The following TRAP1 variants were observed in gnomAD, a reference collection of about 807,000 sequenced individuals.
TRAP1 encodes heat shock protein 75 kDa, mitochondrial.
TRAP1 carries 102 observed loss-of-function variants against 89.1 expected under a neutral mutation model. That is an observed-to-expected ratio of 1.15 (90% CI 0.98 to 1.35). The LOEUF (loss-of-function observed/expected upper bound fraction) is 1.35, where lower values mean the gene tolerates loss of function less well. TRAP1 is among the 40% of genes most tolerant of loss of function. TRAP1 has a pLI of 0.00. For missense variants in TRAP1, 1,256 were observed against 945.3 expected (o/e 1.33, Z -4.31); for synonymous variants, 508 against 388.0 (o/e 1.31, Z -3.64).
rs71133652 is a variant in TRAP1, at chr16:3,710,879, A to ATATATATATATATATT, written c.88+6541_88+6542insAATATATATATATATA. Among the ~76,000 whole-genome samples, 7 of 125,798 alleles carry ATATATATATATATATT rather than the reference A, an allele frequency of 5.6e-5. No homozygotes were observed. In the East Asian group the frequency reaches 1.7e-3, roughly 30 times the overall value. 82.5% of individuals were successfully genotyped at this position (125,798 alleles called of 152,430 possible). Reference sequence around the variant, plus strand: ...TGTGTATATATATATATATATATATATTTTTTTTTTTGAGACACTGTCACT... The same window carrying ATATATATATATATATT: ...TGTGTATATATATATATATATATATATATATATATATATATTTTTTTTTTTTTGAGACACTGTCACT... On this transcript the variant is annotated intron_variant, in intron 1 of 17. Transcript: ENST00000246957.
Position 3,670,164 on chromosome 16 carries a change from C to T in TRAP1, c.1235+1558G>A, listed in dbSNP as rs181412095. On this transcript the variant is annotated intron_variant, in intron 11 of 17. Coordinates refer to ENST00000246957, the MANE Select transcript of TRAP1 (RefSeq NM_016292.3). ...TTGGGAGGCCAAGGCAGGCGGATCACGAAGTCAGGAGATCGAGACCATCCT... is the reference window on the plus strand; with the variant it reads ...TTGGGAGGCCAAGGCAGGCGGATCATGAAGTCAGGAGATCGAGACCATCCT... Among the ~76,000 whole-genome samples, 53 of 151,790 alleles carry T rather than the reference C, an allele frequency of 3.5e-4. 5 individuals carry two copies. The highest frequency in any genetic ancestry group is 1.1e-3 in the African/African-American group (47 of 41,348).
In TRAP1 at chr16:3,689,035, A is replaced by G. The variant is rs2051175776; in HGVS notation, c.330+20T>C. On this transcript the variant is annotated intron_variant, in intron 3 of 17. Coordinates refer to ENST00000246957, the MANE Select transcript of TRAP1 (RefSeq NM_016292.3). ...AAAAGAAACTTTGCTAGCATCGGGCATGGTTAGCAGGGAACGCACCTCTTT... is the reference window on the plus strand; with the variant it reads ...AAAAGAAACTTTGCTAGCATCGGGCGTGGTTAGCAGGGAACGCACCTCTTT... 1.3e-6 allele frequency: 2 copies of G among 1,588,264 alleles called. No individual in the cohort carries two copies. The highest frequency in any genetic ancestry group is 2.3e-5 in the South Asian group (2 of 86,518).
In TRAP1 at chr16:3,717,475, C is replaced by T; in HGVS notation, c.34G>A (p.Gly12Ser). 2 of 1,325,248 alleles carry T rather than the reference C, an allele frequency of 1.5e-6. No individual in the cohort carries two copies. Among genetic ancestry groups the T allele is most frequent in the Non-Finnish European group, 1.9e-6 (2 of 1,042,504 alleles). 82.1% of individuals were successfully genotyped at this position (1,325,248 alleles called of 1,614,324 possible). ...CGCAGCAAAGGCCGCAGGCGGCGGC[C>T]CCACAGCAGCAGCGCCCGCAGCTCG... The part of the protein sequence containing the change: ...ARELRALLLW[G>S]RRLRPLLRAP... Residue 12 changes from glycine (G) to serine (S), a missense_variant, in exon 1 of 18, where the codon GGC becomes AGC. Coordinates refer to ENST00000246957, the MANE Select transcript of TRAP1 (RefSeq NM_016292.3).
intron 1 of TRAP1, among the ~76,000 whole-genome samples, chr16:3,694,349 TC>T (rs969390838): frequency 2.1e-5 from 3 of 140,022 alleles, no homozygotes; most frequent in Non-Finnish European, 4.8e-5. Flanking sequence ...CGTATCTTTC[TC>T]TTTTTTTTTT....
rs550304241 is a variant in TRAP1 at position 3,681,161 on chromosome 16, A to C, written c.472-1371T>G. On this transcript the variant is annotated intron_variant, in intron 4 of 17. Transcript: ENST00000246957. ...ATGTGCAGACCACCTTAAATAAAAG[A>C]GCTCACTCCAAGCCTCCACATCTAT... 5.9e-5 allele frequency among the ~76,000 whole-genome samples: 9 copies of C among 152,228 alleles called. No individual in the cohort carries two copies. The East Asian group carries it at 1.7e-3, about 29-fold the overall frequency.
At chr16:3,660,536 C>G (rs6500548) in intron 16 of TRAP1, 120,547 of 152,012 alleles carry the variant, frequency 0.79, 48,703 homozygotes, top group East Asian at 1. Context: ...AACTAGTTTG[C>G]CACCAAAACT....
At position 3,670,416 on chromosome 16, in the gene TRAP1, A is replaced by G. The variant is rs1054641585; in HGVS notation, c.1235+1306T>C. Among the ~76,000 whole-genome samples the G allele has an allele frequency of 7.4e-5, 11 of 149,518 alleles. No homozygotes were observed. In the South Asian group the frequency reaches 1.3e-3, roughly 17 times the overall value. On this transcript the variant is annotated intron_variant, in intron 11 of 17. Transcript: ENST00000246957. ...AAAAAAAAAAAAAAAAAAAAATCTAAGTGGCCAGGTGCAGTGGCTCATGCC... is the reference window on the plus strand; with the variant it reads ...AAAAAAAAAAAAAAAAAAAAATCTAGGTGGCCAGGTGCAGTGGCTCATGCC...
In TRAP1 at chr16:3,686,282, G is replaced by A. The variant is rs890317373; in HGVS notation, c.331-146C>T. 218 of 996,562 alleles carry A rather than the reference G, an allele frequency of 2.2e-4. 2 individuals are homozygous for A. In the East Asian group the frequency reaches 5.6e-3, roughly 26 times the overall value. 61.7% of individuals were successfully genotyped at this position (996,562 alleles called of 1,614,324 possible). A position where few individuals can be genotyped will look rare whatever the true frequency, so the allele number is the denominator to read the frequency against. On this transcript the variant is annotated intron_variant, in intron 3 of 17. Coordinates refer to ENST00000246957, the MANE Select transcript of TRAP1 (RefSeq NM_016292.3). Reference sequence around the variant, plus strand: ...ATAAAGAGTTTCTGCTTTAGTCAAAGGCAGTTCCTCTGGGCCGGTCACAAA... The same window carrying A: ...ATAAAGAGTTTCTGCTTTAGTCAAAAGCAGTTCCTCTGGGCCGGTCACAAA...
At chr16:3,686,260 AAG>A in intron 3 of TRAP1, 124 bp from the exon 4 acceptor site, 2 of 1,188,244 alleles carry the variant, frequency 1.7e-6, no homozygotes, top group Non-Finnish European at 2.4e-6. Flanking sequence ...TCAAAGCATA[AAG>A]AGTTTCTGCT....
intron 1 of TRAP1, among the ~76,000 whole-genome samples, chr16:3,703,876 G>A (rs920939769): frequency 3.3e-5 from 5 of 151,758 alleles, no homozygotes; most frequent in Admixed American, 6.6e-5. Flanking sequence ...TTAGCCGGGC[G>A]TGGTGGCGGG....
intron 1 of TRAP1, among the ~76,000 whole-genome samples, chr16:3,716,141 C>T (rs1427229264): frequency 2.0e-5 from 3 of 152,222 alleles, no homozygotes; most frequent in Admixed American, 6.5e-5. Context: ...GCGTGAGCCA[C>T]CGCGCCCGGC....
At chr16:3,690,156 G>A (rs2051193885) in intron 2 of TRAP1, among the ~76,000 whole-genome samples, 1 of 152,052 alleles carries the variant, frequency 6.6e-6, no homozygotes, top group Non-Finnish European at 1.5e-5. Flanking sequence ...ACTGGTGTGT[G>A]CTACCATGCC....
At chr16:3,711,333 G>A (rs2051528703) in intron 1 of TRAP1, among the ~76,000 whole-genome samples, 1 of 152,122 alleles carries the variant, frequency 6.6e-6, no homozygotes, top group South Asian at 2.1e-4. Context: ...GGGAACGGTG[G>A]CGCACACCTG....
At chr16:3,668,157 C>T (rs565425334) in intron 11 of TRAP1, among the ~76,000 whole-genome samples, 9 of 151,740 alleles carry the variant, frequency 5.9e-5, no homozygotes, top group Admixed American at 1.3e-4. Context: ...CTCCTGACCT[C>T]GTGATCCACC....
At chr16:3,714,687 G>T (rs533516615) in intron 1 of TRAP1, among the ~76,000 whole-genome samples, 1 of 152,034 alleles carries the variant, frequency 6.6e-6, no homozygotes, top group Non-Finnish European at 1.5e-5. Flanking sequence ...TATTCTGAGG[G>T]CAAGTGACAG....
At chr16:3,684,054 T>A (rs1192082082) in intron 4 of TRAP1, among the ~76,000 whole-genome samples, 1 of 151,798 alleles carries the variant, frequency 6.6e-6, no homozygotes, top group Non-Finnish European at 1.5e-5. Context: ...TAAACCCAGC[T>A]ACTTGGGGGG....
rs376066677 is a variant in TRAP1, at chr16:3,691,019, T to A, written c.89-34A>T. 3 of 1,430,278 alleles carry A rather than the reference T, an allele frequency of 2.1e-6. No individual in the cohort carries two copies. In the East Asian group the frequency reaches 8.0e-5, roughly 38 times the overall value. The allele number at this position is 1,430,278 out of a possible 1,614,324, so 88.6% of individuals were successfully genotyped here. A position where few individuals can be genotyped will look rare whatever the true frequency, so the allele number is the denominator to read the frequency against. ...ACAAATATGCAGAAAGAATGAGAATTAGGAAGACACGAGAAACAATATGGT... is the reference window on the plus strand; with the variant it reads ...ACAAATATGCAGAAAGAATGAGAATAAGGAAGACACGAGAAACAATATGGT... On this transcript the variant is annotated intron_variant, in intron 1 of 17. Transcript: ENST00000246957.
At chr16:3,662,809 T>G in intron 15 of TRAP1, 73 bp downstream of exon 15, 1 of 1,475,974 alleles carries the variant, frequency 6.8e-7, no homozygotes. Context: ...GGCCAGGTAC[T>G]GGGAGCCACC....
intron 14 of TRAP1, 82 bp from the exon 15 acceptor site, chr16:3,663,049 G>A (rs1458540636): frequency 9.3e-7 from 1 of 1,075,660 alleles, no homozygotes; most frequent in East Asian, 2.6e-5. Context: ...CATGCTTCCA[G>A]CTCCCACCTC....
Sources: allele counts gnomAD v4.1 joint callset (sites outside exome capture counted in the v4.1 genomes callset), GRCh38; gene constraint gnomAD v4.1.1; transcripts MANE v1.5; gene names NCBI Gene and HGNC (gene_info 2026-07-23, HGNC 2026-07-21).